EVC: variants seen among roughly 807,000 people sequenced by gnomAD.
The protein encoded by EVC is EvC ciliary complex subunit 1, also known as evC complex member EVC.
In EVC, 116 loss-of-function variants were observed where a neutral mutation model predicts 118.9. That is an observed-to-expected ratio of 0.98 (90% CI 0.84 to 1.14). The LOEUF (loss-of-function observed/expected upper bound fraction) is 1.14, where lower values mean the gene tolerates loss of function less well. Among genes scored for constraint, EVC ranks in the 50% most tolerant of loss-of-function variants. EVC has a pLI of 0.00. For synonymous variants in EVC, 619 were observed against 534.7 expected, an observed-to-expected ratio of 1.16 and a Z score of -2.18; for missense variants, 1,401 against 1,246.4, an observed-to-expected ratio of 1.12 and a Z score of -1.87.
chr4:5,815,914 G>A (rs1407960939), downstream of EVC, among the ~76,000 whole-genome samples: 2 of 151,822 alleles, frequency 1.3e-5, no homozygotes, highest in East Asian at 3.9e-4. Flanking sequence ...GTGGCAACTG[G>A]TTTGGAAGGA....
chr4:5,753,952 C>T lies in EVC; in HGVS notation c.1464+19C>T. ...TCTCGAGGTGACTCACATCCCCAGC[C>T]TCTGCACATGTGGGTGAGCCAGTTG... On this transcript the variant is annotated intron_variant, in intron 10 of 20. Transcript: ENST00000264956. 1 of 1,612,458 alleles carries T rather than the reference C, an allele frequency of 6.2e-7. No individual in the cohort carries two copies. The highest frequency in any genetic ancestry group is 8.5e-7 in the Non-Finnish European group (1 of 1,179,970).
chr4:5,805,174 G>A (rs1040084438), intron 17 of EVC, among the ~76,000 whole-genome samples: 4 of 152,182 alleles, frequency 2.6e-5, no homozygotes, highest in East Asian at 1.9e-4. Flanking sequence ...AGACCTTGAC[G>A]AGGATTTGGG....
chr4:5,765,588 T>C (rs1245804142), intron 11 of EVC, among the ~76,000 whole-genome samples: 1 of 131,746 alleles, frequency 7.6e-6, no homozygotes, highest in Admixed American at 7.3e-5. Flanking sequence ...TGGGTGCTCC[T>C]GTATTGGGCG....
chr4:5,785,918 G>T (rs1279342270), intron 12 of EVC, among the ~76,000 whole-genome samples: 1 of 152,160 alleles, frequency 6.6e-6, no homozygotes, highest in Non-Finnish European at 1.5e-5. Context: ...GAGGACCTGG[G>T]CCTCAGTGTC....
chr4:5,759,251 C>T (rs893054927), intron 11 of EVC, among the ~76,000 whole-genome samples: 3 of 128,312 alleles, frequency 2.3e-5, no homozygotes, highest in South Asian at 3.0e-4. Context: ...CTGCAGGAGA[C>T]GTTGCCTACT....
chr4:5,740,780 A>G (rs1436297441), intron 5 of EVC, among the ~76,000 whole-genome samples: 3 of 152,210 alleles, frequency 2.0e-5, no homozygotes, highest in African/African-American at 4.8e-5. Context: ...TGGGAAGGAC[A>G]TGAACAGATA....
At chr4:5,713,980 C>T (rs993174088) in intron 1 of EVC, among the ~76,000 whole-genome samples, 1 of 152,232 alleles carries the variant, frequency 6.6e-6, no homozygotes, top group Admixed American at 6.5e-5. Flanking sequence ...CCCCTGAGCA[C>T]CTACCCTGAT....
At position 5,765,190 on chromosome 4, in the gene EVC, A is replaced by C; in HGVS notation, c.1563+8828A>C. Among the ~76,000 whole-genome samples, 2 of 117,190 alleles carry C rather than the reference A, an allele frequency of 1.7e-5. 1 individual carries two copies. The highest frequency in any genetic ancestry group is 3.7e-5 in the Non-Finnish European group (2 of 54,296). The allele number at this position is 117,190 out of a possible 152,430, so 76.9% of individuals were successfully genotyped here. A position where few individuals can be genotyped will look rare whatever the true frequency, so the allele number is the denominator to read the frequency against. On this transcript the variant is annotated intron_variant, in intron 11 of 20. Coordinates refer to ENST00000264956, the MANE Select transcript of EVC (RefSeq NM_153717.3). ...GTAGTCATTCAGGAGCAGGTTGTTC[A>C]GTTTCCATGTAGTTGAGCGGTTTTG...
intron 2 of EVC, among the ~76,000 whole-genome samples, chr4:5,724,723 A>G (rs1018933503): frequency 6.6e-6 from 1 of 151,094 alleles, no homozygotes; most frequent in African/African-American, 2.4e-5. Context: ...TTACTTCTTG[A>G]AACCTTTTCT....
Position 5,810,320 on chromosome 4 carries a change from G to T in EVC, c.2783-19G>T. On this transcript the variant is annotated intron_variant, in intron 19 of 20. Transcript: ENST00000264956. ...TCTAAAGTCACAGAGCCATGCCTGG[G>T]TTCATCTGTCCTCTACAGAGAAGCC... The T allele has an allele frequency of 6.3e-7, 1 of 1,592,584 alleles. No individual in the cohort carries two copies. The highest frequency in any genetic ancestry group is 8.6e-7 in the Non-Finnish European group (1 of 1,162,778).
At chr4:5,747,895 T>C (rs928308090) in intron 7 of EVC, among the ~76,000 whole-genome samples, 1 of 152,190 alleles carries the variant, frequency 6.6e-6, no homozygotes, top group African/African-American at 2.4e-5. Flanking sequence ...CTGCTTTCTT[T>C]CCTTAGCAGC....
the EVC span, among the ~76,000 whole-genome samples, chr4:5,823,623 G>A: frequency 2.0e-5 from 3 of 152,188 alleles, no homozygotes; most frequent in Admixed American, 6.5e-5. Context: ...TTAGCTCTCG[G>A]AAGAACTGGT....
rs769932362 is a variant in EVC, at chr4:5,719,355, G to A, written c.282G>A (p.Lys94=). Residue 94 remains lysine, a synonymous_variant, in exon 2 of 21, where the codon AAG becomes AAA. Coordinates refer to ENST00000264956, the MANE Select transcript of EVC (RefSeq NM_153717.3). This position sits in a 1 kb window ranked among gnomAD's most constrained non-coding sequence, Gnocchi z 4.7. ...RRRKREVQMS[K]DKEAVDECEP... ...GGAAGAGAGAAGTGCAGATGTCGAAGGACAAGGAAGCTGTTGATGTAAGCT... is the reference window on the plus strand; with the variant it reads ...GGAAGAGAGAAGTGCAGATGTCGAAAGACAAGGAAGCTGTTGATGTAAGCT... 2 of 1,614,066 alleles carry A rather than the reference G, an allele frequency of 1.2e-6. No homozygotes were observed. Among genetic ancestry groups the A allele is most frequent in the East Asian group, 2.2e-5 (1 of 44,886 alleles).
chr4:5,814,778 C>G (rs965419675), downstream of EVC, among the ~76,000 whole-genome samples: 1 of 151,998 alleles, frequency 6.6e-6, no homozygotes, highest in Non-Finnish European at 1.5e-5. Context: ...CTCCCCAGCC[C>G]TCTGCCCAGT....
chr4:5,763,448 G>A (rs1458965482), intron 11 of EVC, among the ~76,000 whole-genome samples: 424 of 103,684 alleles, frequency 4.1e-3, no homozygotes, highest in Middle Eastern at 9.9e-3. Flanking sequence ...AAAGTCATTG[G>A]TAGCTTGATG....
rs1196950486 is a variant in EVC at position 5,711,465 on chromosome 4, GC to G, written c.90del (p.Ala31ProfsTer85). 4 of 1,057,434 alleles carry G rather than the reference GC, an allele frequency of 3.8e-6. No individual in the cohort carries two copies. The highest frequency in any genetic ancestry group is 4.5e-6 in the Non-Finnish European group (4 of 879,598). 65.5% of individuals were successfully genotyped at this position (1,057,434 alleles called of 1,614,324 possible). A position where few individuals can be genotyped will look rare whatever the true frequency, so the allele number is the denominator to read the frequency against. Reference protein sequence around the residue: ...DALRPAPALLAPAVLLGAALG... With the variant: ...DALRPAPALLXPAVLLGAALG... ...GCTGCGGCCGGCGCCCGCCCTGCTG[GC>G]CCCCGCCGTGCTGCTGGGCGCCGCG... is the stretch of plus-strand genomic sequence containing the variant. On this transcript the variant is annotated frameshift_variant, in exon 1 of 21. Coordinates refer to ENST00000264956, the MANE Select transcript of EVC (RefSeq NM_153717.3). LOFTEE classifies it high-confidence loss of function.
At chr4:5,725,553 C>T (rs1417163447) in intron 2 of EVC, among the ~76,000 whole-genome samples, 1 of 152,068 alleles carries the variant, frequency 6.6e-6, no homozygotes, top group Non-Finnish European at 1.5e-5. Context: ...TGTCCTTTGC[C>T]CACTTTTTAA....
chr4:5,712,841 C>T (rs1723262979), intron 1 of EVC, among the ~76,000 whole-genome samples: 1 of 152,194 alleles, frequency 6.6e-6, no homozygotes, highest in African/African-American at 2.4e-5. Flanking sequence ...AAGTAACACA[C>T]AGAGACTTGG....
In EVC at chr4:5,743,979, C is replaced by T. The variant is rs1164134096; in HGVS notation, c.802-1225C>T. ...GAAAGAATAAGAGCCTTGGAGTCTG[C>T]AGACCTCAGATCAAATTCCATCTCT... On this transcript the variant is annotated intron_variant, in intron 6 of 20. Coordinates refer to ENST00000264956, the MANE Select transcript of EVC (RefSeq NM_153717.3). The surrounding 1 kb of genome is among the most constrained non-coding windows in gnomAD (Gnocchi z 4.7). Among the ~76,000 whole-genome samples the T allele has an allele frequency of 1.3e-5, 2 of 152,126 alleles. No individual in the cohort carries two copies.
Sources: gnomAD v4.1 joint callset for allele counts (sites outside exome capture counted in the v4.1 genomes callset) on GRCh38, gnomAD v4.1.1 for gene constraint, Gnocchi (gnomAD v3.1) non-coding constraint, MANE v1.5 for transcripts, NCBI Gene and HGNC (gene_info 2026-07-23, HGNC 2026-07-21) for gene names.